C3orf20: variants seen among roughly 807,000 people sequenced by gnomAD.
C3orf20 encodes uncharacterized protein C3orf20.
A neutral mutation model predicts 88.3 loss-of-function variants in C3orf20; 76 were observed. The observed-to-expected ratio is 0.86, with a 90% CI of 0.72 to 1.04. C3orf20 has a LOEUF of 1.04. C3orf20 is among the 50% of genes least tolerant of loss of function. The pLI, the probability that C3orf20 is intolerant of heterozygous loss-of-function variation, is 0.00. For synonymous variants in C3orf20, 436 were observed against 437.4 expected, an observed-to-expected ratio of 1.00 and a Z score of 0.04; for missense variants, 1,056 against 1,123.3, an observed-to-expected ratio of 0.94 and a Z score of 0.86.
chr3:14,736,384 G>A (rs1279565706), intron 12 of C3orf20, among the ~76,000 whole-genome samples: 5 of 151,512 alleles, frequency 3.3e-5, no homozygotes, highest in African/African-American at 1.2e-4. Flanking sequence ...TCTGCTTCCT[G>A]GGTTCAAGCG....
intron 10 of C3orf20, among the ~76,000 whole-genome samples, chr3:14,725,692 G>A (rs1047042213): frequency 6.6e-6 from 1 of 152,148 alleles, no homozygotes; most frequent in East Asian, 1.9e-4. Context: ...AGAAGGACTC[G>A]TGGGCTGACT....
chr3:14,683,276 T>G, intron 3 of C3orf20, 79 bp downstream of exon 3: 1 of 1,491,836 alleles, frequency 6.7e-7, no homozygotes. Context: ...TGGGAACAGG[T>G]GGCAACTGTG....
At chr3:14,704,269 C>A in intron 6 of C3orf20, 68 bp from the exon 7 acceptor site, 1 of 1,530,540 alleles carries the variant, frequency 6.5e-7, no homozygotes, top group Non-Finnish European at 8.9e-7. Context: ...TAAGGAGGGG[C>A]TGTAGAGAGC....
intron 5 of C3orf20, 24 bp downstream of exon 5, chr3:14,690,140 A>AC: frequency 6.2e-7 from 1 of 1,613,706 alleles, no homozygotes; most frequent in Non-Finnish European, 8.5e-7. Context: ...CTCGTGGCCT[A>AC]CCATTCATTG....
At chr3:14,742,190 G>A (rs2034920540) in intron 12 of C3orf20, among the ~76,000 whole-genome samples, 1 of 152,226 alleles carries the variant, frequency 6.6e-6, no homozygotes, top group South Asian at 2.1e-4. Context: ...AACCTAGTAA[G>A]TAACATTAGT....
chr3:14,737,409 G>A (rs1393949466), intron 12 of C3orf20, among the ~76,000 whole-genome samples: 1 of 152,084 alleles, frequency 6.6e-6, no homozygotes, highest in East Asian at 1.9e-4. Context: ...TTGCAATAAA[G>A]CAAATCACAC....
At position 14,726,876 on chromosome 3, in the gene C3orf20, C is replaced by T. The variant is rs375701757; in HGVS notation, c.1567-25C>T. The T allele has an allele frequency of 4.4e-5, 71 of 1,613,394 alleles. No individual in the cohort carries two copies. The African/African-American group carries it at 5.5e-4, about 12-fold the overall frequency. ...GGCTCTTTGAGGGGATGGTGACACC[C>T]GCCCTCCCCTTTGCCCCTCTCCAGC... is the stretch of plus-strand genomic sequence containing the variant. On this transcript the variant is annotated intron_variant, in intron 10 of 16. Coordinates refer to ENST00000253697, the MANE Select transcript of C3orf20 (RefSeq NM_032137.5).
intron 7 of C3orf20, among the ~76,000 whole-genome samples, chr3:14,707,445 T>TTG (rs36047273): frequency 0.11 from 15,137 of 136,252 alleles, 828 homozygotes; most frequent in East Asian, 0.17. Flanking sequence ...GCATCTTTTC[T>TTG]TGTGTGTGTG....
At position 14,719,344 on chromosome 3, in the gene C3orf20, A is replaced by T. The variant is rs372773886; in HGVS notation, c.1435-2309A>T. 3.9e-4 allele frequency among the ~76,000 whole-genome samples: 60 copies of T among 152,304 alleles called. 2 individuals are homozygous for T. In the East Asian group the frequency reaches 8.5e-3, roughly 22 times the overall value. On this transcript the variant is annotated intron_variant, in intron 9 of 16. Coordinates refer to ENST00000253697, the MANE Select transcript of C3orf20 (RefSeq NM_032137.5). ...GGAGTTACTAGCCAGACCCAAAAGC[A>T]TTAAAAATAGCGGCAATATTTTTTA...
intron 12 of C3orf20, among the ~76,000 whole-genome samples, chr3:14,749,576 T>C (rs2035160445): frequency 6.6e-6 from 1 of 152,230 alleles, no homozygotes; most frequent in South Asian, 2.1e-4. Context: ...TTTAAGACTT[T>C]AATCCATTTA....
At chr3:14,735,005 G>C (rs1026366798) in intron 12 of C3orf20, among the ~76,000 whole-genome samples, 7 of 151,648 alleles carry the variant, frequency 4.6e-5, no homozygotes, top group African/African-American at 1.7e-4. Flanking sequence ...AATTGCATCA[G>C]TTTTCTGGTT....
intron 1 of C3orf20, among the ~76,000 whole-genome samples, chr3:14,675,826 G>A (rs534515293): frequency 5.6e-4 from 85 of 152,272 alleles, no homozygotes; most frequent in Admixed American, 2.9e-3. Flanking sequence ...GAGTAGCTGG[G>A]ATTACAGGCA....
chr3:14,720,667 C>T (rs1223912815), intron 9 of C3orf20, among the ~76,000 whole-genome samples: 1 of 152,114 alleles, frequency 6.6e-6, no homozygotes, highest in African/African-American at 2.4e-5. Flanking sequence ...AGAAGCACAG[C>T]AGTGTAGGGC....
At chr3:14,693,149 G>C (rs1014309711) in intron 5 of C3orf20, among the ~76,000 whole-genome samples, 10 of 152,126 alleles carry the variant, frequency 6.6e-5, no homozygotes, top group Non-Finnish European at 1.5e-4. Context: ...TTGAACTCAG[G>C]TAAGATGATT....
intron 1 of C3orf20, among the ~76,000 whole-genome samples, chr3:14,676,258 C>G (rs2031766546): frequency 6.6e-6 from 1 of 152,020 alleles, no homozygotes; most frequent in African/African-American, 2.4e-5. Flanking sequence ...TGCTCCCAGC[C>G]CAGGTCTCCC....
chr3:14,688,397 T>G (rs1209269054), intron 4 of C3orf20, among the ~76,000 whole-genome samples: 1 of 151,626 alleles, frequency 6.6e-6, no homozygotes, highest in Non-Finnish European at 1.5e-5. Flanking sequence ...CCGGCCGTGA[T>G]GGCACACATC....
At chr3:14,713,019 T>C (rs2033810175) in intron 7 of C3orf20, among the ~76,000 whole-genome samples, 1 of 152,204 alleles carries the variant, frequency 6.6e-6, no homozygotes, top group South Asian at 2.1e-4. Flanking sequence ...AAATCAGCCA[T>C]TAATCTTATT....
rs932650917 is a variant in C3orf20, at chr3:14,697,651, C to T, written c.746-5479C>T. Among the ~76,000 whole-genome samples, 15 of 150,920 alleles carry T rather than the reference C, an allele frequency of 9.9e-5. No homozygotes were observed. In the East Asian group the frequency reaches 1.4e-3, roughly 14 times the overall value. On this transcript the variant is annotated intron_variant, in intron 5 of 16. Coordinates refer to ENST00000253697, the MANE Select transcript of C3orf20 (RefSeq NM_032137.5). ...TGTGCCATGTTGGTTTGCTGCACCCCCCAACTCATCATTTACATTAGGTAT... is the reference window on the plus strand; with the variant it reads ...TGTGCCATGTTGGTTTGCTGCACCCTCCAACTCATCATTTACATTAGGTAT...
intron 10 of C3orf20, chr3:14,722,352 T>C: frequency 4.9e-6 from 2 of 405,794 alleles, no homozygotes; most frequent in Non-Finnish European, 1.0e-5. Context: ...GCCAGGAGTA[T>C]GTATTGCTCC....
Sources: allele counts gnomAD v4.1 joint callset (sites outside exome capture counted in the v4.1 genomes callset), GRCh38; gene constraint gnomAD v4.1.1; transcripts MANE v1.5; gene names NCBI Gene and HGNC (gene_info 2026-07-23, HGNC 2026-07-21).